The following FSTL5 variants were observed in gnomAD, a reference collection of about 807,000 sequenced individuals.
FSTL5 encodes follistatin like 5.
In FSTL5, 62 loss-of-function variants were observed where a neutral mutation model predicts 89.1. That is an observed-to-expected ratio of 0.70 (90% confidence interval 0.57 to 0.86). The LOEUF (loss-of-function observed/expected upper bound fraction) is 0.86. Among genes scored for constraint, FSTL5 ranks in the 40% least tolerant of loss-of-function variants. FSTL5 has a pLI of 0.00. For synonymous variants in FSTL5, 383 were observed against 346.2 expected (o/e 1.11, Z -1.18); for missense variants, 1,057 against 1,001.6 (o/e 1.06, Z -0.75).
chr4:161,471,690 C>T (rs972640323), intron 13 of FSTL5, among the ~76,000 whole-genome samples: 7 of 152,100 alleles, frequency 4.6e-5, no homozygotes, highest in Non-Finnish European at 8.8e-5. Flanking sequence ...TACTGCTTTT[C>T]TTTGAGCTAT....
chr4:161,862,413 G>C (rs916071820), intron 4 of FSTL5, among the ~76,000 whole-genome samples: 8 of 152,110 alleles, frequency 5.3e-5, no homozygotes, highest in African/African-American at 1.9e-4. Flanking sequence ...TTCAGTGTAG[G>C]CTGGAATGAT....
chr4:161,450,741 ATTTT>A (rs70937651), intron 15 of FSTL5, among the ~76,000 whole-genome samples: 2 of 131,578 alleles, frequency 1.5e-5, no homozygotes, highest in African/African-American at 2.9e-5. Flanking sequence ...ATTCATCTTC[ATTTT>A]TTTTTTTTTT....
intron 2 of FSTL5, among the ~76,000 whole-genome samples, chr4:162,089,274 A>C (rs1005554282): frequency 6.6e-6 from 1 of 152,104 alleles, no homozygotes; most frequent in Non-Finnish European, 1.5e-5. Flanking sequence ...AACACCGACT[A>C]AGACACCAAG....
At chr4:161,685,788 A>C (rs1157828760) in intron 6 of FSTL5, among the ~76,000 whole-genome samples, 1 of 152,114 alleles carries the variant, frequency 6.6e-6, no homozygotes, top group Non-Finnish European at 1.5e-5. Context: ...TTGGAATTCC[A>C]GTACTATATT....
intron 8 of FSTL5, among the ~76,000 whole-genome samples, chr4:161,550,399 A>G (rs1326971539): frequency 6.6e-6 from 1 of 151,838 alleles, no homozygotes; most frequent in Non-Finnish European, 1.5e-5. Flanking sequence ...TTGTCCTAGT[A>G]TTTCTGTGCC....
intron 8 of FSTL5, among the ~76,000 whole-genome samples, chr4:161,555,440 T>C (rs1181690430): frequency 6.6e-5 from 10 of 150,448 alleles, no homozygotes; most frequent in African/African-American, 1.9e-4. Flanking sequence ...AAACATAGCC[T>C]GGCACATGCT....
chr4:161,385,641 T>G lies in FSTL5; in HGVS notation c.*106A>C. 1 of 801,734 alleles carries G rather than the reference T, an allele frequency of 1.2e-6. No individual in the cohort carries two copies. The highest frequency in any genetic ancestry group is 2.0e-6 in the Non-Finnish European group (1 of 504,974). 49.7% of individuals were successfully genotyped at this position (801,734 alleles called of 1,614,324 possible). ...TTATTTGGACCAACCAAGTAAATTT[T>G]GTTTGACTAGGATATAAACTTGGAA... On this transcript the variant is annotated 3_prime_UTR_variant, in exon 16 of 16. Transcript: ENST00000306100.
intron 3 of FSTL5, among the ~76,000 whole-genome samples, chr4:161,951,506 GT>G (rs1734894021): frequency 1.3e-5 from 2 of 151,966 alleles, no homozygotes; most frequent in Admixed American, 6.6e-5. Context: ...TCACTTCTCT[GT>G]CTTTTTATCA....
intron 15 of FSTL5, among the ~76,000 whole-genome samples, chr4:161,449,157 C>T (rs977339695): frequency 6.6e-6 from 1 of 152,048 alleles, no homozygotes; most frequent in African/African-American, 2.4e-5. Context: ...TATCTCTATT[C>T]ATCTTACTGC....
chr4:161,569,758 AACAC>A (rs56387876), intron 8 of FSTL5, among the ~76,000 whole-genome samples: 7,075 of 134,312 alleles, frequency 0.053, 181 homozygotes, highest in Non-Finnish European at 0.061. Context: ...CCAACACACA[AACAC>A]ACACACACAC....
chr4:161,405,859 A>T (rs1201376395), intron 15 of FSTL5, among the ~76,000 whole-genome samples: 15 of 152,222 alleles, frequency 9.9e-5, no homozygotes, highest in Non-Finnish European at 2.9e-5. Context: ...ACCAAAGGCC[A>T]GAAAGCAATA....
chr4:161,951,767 T>C (rs1369928446), intron 3 of FSTL5, among the ~76,000 whole-genome samples: 1 of 152,086 alleles, frequency 6.6e-6, no homozygotes, highest in Admixed American at 6.6e-5. Context: ...CTTTGTATGA[T>C]AGTTTGCTGC....
chr4:162,144,595 C>T (rs765758886), intron 1 of FSTL5, among the ~76,000 whole-genome samples: 1 of 152,028 alleles, frequency 6.6e-6, no homozygotes, highest in Non-Finnish European at 1.5e-5. Flanking sequence ...AAATACAAAG[C>T]AGTGCTTCTT....
intron 10 of FSTL5, among the ~76,000 whole-genome samples, chr4:161,514,226 T>TAC (rs113099103): frequency 0.039 from 5,823 of 150,596 alleles, 378 homozygotes; most frequent in African/African-American, 0.13. Context: ...AATAAAGTAT[T>TAC]ACACACACAC....
chr4:161,981,053 C>A (rs1293414686), intron 3 of FSTL5, among the ~76,000 whole-genome samples: 1 of 152,084 alleles, frequency 6.6e-6, no homozygotes, highest in African/African-American at 2.4e-5. Flanking sequence ...AGCCACTGCG[C>A]CCAGCCACTC....
chr4:162,103,259 C>G (rs2111388484), intron 2 of FSTL5, among the ~76,000 whole-genome samples: 1 of 152,224 alleles, frequency 6.6e-6, no homozygotes, highest in South Asian at 2.1e-4. Flanking sequence ...AACACGCAAA[C>G]AACACATTCA....
chr4:162,145,060 C>T (rs1732918791), intron 1 of FSTL5, among the ~76,000 whole-genome samples: 2 of 149,648 alleles, frequency 1.3e-5, no homozygotes. Flanking sequence ...ACAATGAATA[C>T]AATATACAAT....
At chr4:161,437,363 G>A (rs1404582557) in intron 15 of FSTL5, among the ~76,000 whole-genome samples, 2 of 151,856 alleles carry the variant, frequency 1.3e-5, no homozygotes, top group Non-Finnish European at 2.9e-5. Flanking sequence ...TCAGGAGATC[G>A]AGACCATCCT....
intron 15 of FSTL5, among the ~76,000 whole-genome samples, chr4:161,426,887 A>G (rs1265136145): frequency 6.6e-6 from 1 of 152,234 alleles, no homozygotes; most frequent in African/African-American, 2.4e-5. Context: ...TTTCTAAAAT[A>G]CACATATTTT....
Sources: allele counts gnomAD v4.1 joint callset (sites outside exome capture counted in the v4.1 genomes callset), GRCh38; gene constraint gnomAD v4.1.1; transcripts MANE v1.5; gene names NCBI Gene and HGNC (gene_info 2026-07-23, HGNC 2026-07-21).